The following RUNX1 variants were observed in gnomAD, a reference collection of about 807,000 sequenced individuals.
RUNX1 encodes RUNX family transcription factor 1, also known as runt-related transcription factor 1.
A neutral mutation model predicts 42.8 loss-of-function variants in RUNX1; 19 were observed. That is an observed-to-expected ratio of 0.44 (90% CI 0.31 to 0.65). The LOEUF (loss-of-function observed/expected upper bound fraction) is 0.65, where lower values mean the gene tolerates loss of function less well. RUNX1 is among the 30% of genes least tolerant of loss of function. RUNX1 has a pLI of 0.07. For synonymous variants in RUNX1, 271 were observed against 289.4 expected, an observed-to-expected ratio of 0.94 and a Z score of 0.64; for missense variants, 528 against 672.0, an observed-to-expected ratio of 0.79 and a Z score of 2.37.
chr21:34,799,084 C>A (rs533886735), intron 8 of RUNX1, among the ~76,000 whole-genome samples: 2 of 152,212 alleles, frequency 1.3e-5, no homozygotes, highest in South Asian at 4.1e-4. Flanking sequence ...GTCTAAGGAA[C>A]CTACTTCTCC....
chr21:34,792,021 C>T lies in RUNX1; in HGVS notation c.*114G>A. On this transcript the variant is annotated 3_prime_UTR_variant, in exon 9 of 9. Coordinates refer to ENST00000675419, the MANE Select transcript of RUNX1 (RefSeq NM_001754.5). The surrounding 1 kb of genome is among the most constrained non-coding windows in gnomAD (Gnocchi z 6.9). Reference sequence around the variant, plus strand: ...CCGTCGGGCGCCCTCGGCCCCAGGACGGTGGCCGGGCCCAGGGCCCGGGAT... The same window carrying T: ...CCGTCGGGCGCCCTCGGCCCCAGGATGGTGGCCGGGCCCAGGGCCCGGGAT... The T allele has an allele frequency of 1.6e-6, 1 of 639,350 alleles. No homozygotes were observed. Among genetic ancestry groups the T allele is most frequent in the Non-Finnish European group, 2.4e-6 (1 of 416,534 alleles). The allele number at this position is 639,350 out of a possible 1,614,324, so 39.6% of individuals were successfully genotyped here.
chr21:34,954,406 A>G (rs1287531373), intron 2 of RUNX1, among the ~76,000 whole-genome samples: 2 of 152,164 alleles, frequency 1.3e-5, no homozygotes, highest in East Asian at 1.9e-4. Flanking sequence ...TGCAGGGGTC[A>G]GGCTGGAGCA....
At chr21:35,047,561 ACTCTCTCT>A (rs55862184) in intron 2 of RUNX1, among the ~76,000 whole-genome samples, 475 of 46,690 alleles carry the variant, frequency 0.01, 1 homozygote, top group African/African-American at 0.03. Flanking sequence ...ACACACACAC[ACTCTCTCT>A]CTCTCTCTCT....
At chr21:35,038,316 A>G in intron 2 of RUNX1, 1 of 325,866 alleles carries the variant, frequency 3.1e-6, no homozygotes, top group Non-Finnish European at 6.1e-6. Flanking sequence ...CCTCCCTATC[A>G]AAGGCAACTC....
intron 2 of RUNX1, among the ~76,000 whole-genome samples, chr21:34,951,848 A>G (rs1332437409): frequency 3.9e-5 from 6 of 152,214 alleles, no homozygotes; most frequent in African/African-American, 1.4e-4. Flanking sequence ...AACTAGAAAT[A>G]CCATTTGACC....
intron 3 of RUNX1, chr21:34,887,631 G>C (rs1258458335): frequency 9.2e-7 from 1 of 1,081,642 alleles, no homozygotes; most frequent in Non-Finnish European, 1.1e-6. Context: ...ATGCAAAACT[G>C]GCTTCAGTCC....
At chr21:34,821,648 CAGA>C (rs1303829031) in intron 7 of RUNX1, 2 of 1,566,434 alleles carry the variant, frequency 1.3e-6, no homozygotes, top group Admixed American at 3.8e-5. Flanking sequence ...GAGGGATGGA[CAGA>C]AGAACTGACT....
chr21:34,998,782 C>G (rs372570046), intron 2 of RUNX1, among the ~76,000 whole-genome samples: 7 of 152,288 alleles, frequency 4.6e-5, no homozygotes, highest in African/African-American at 1.7e-4. Context: ...ACCTCGTGAT[C>G]CGCCCGCCTT....
chr21:35,038,467 G>T, intron 2 of RUNX1: 1 of 454,690 alleles, frequency 2.2e-6, no homozygotes, highest in Non-Finnish European at 4.4e-6. Context: ...GCAGAGACAT[G>T]ACAGCAGCAG....
chr21:34,886,950 G>A lies in RUNX1; in HGVS notation c.244C>T (p.Leu82=). The A allele has an allele frequency of 6.2e-7, 1 of 1,612,586 alleles. No homozygotes were observed. The highest frequency in any genetic ancestry group is 8.5e-7 in the Non-Finnish European group (1 of 1,179,654). Residue 82 remains leucine (L), a synonymous_variant, in exon 4 of 9, where the codon CTG becomes TTG. Coordinates refer to ENST00000675419, the MANE Select transcript of RUNX1 (RefSeq NM_001754.5). ...RSGDRSMVEV[L]ADHPGELVRT... ...ACCAGCTCGCCCGGGTGGTCGGCCA[G>A]CACCTCCACCATGCTGCGGTCGCCG...
intron 2 of RUNX1, 24 bp from the exon 3 acceptor site, chr21:34,892,987 ATAAAAG>A (rs1253150107): frequency 6.7e-7 from 1 of 1,503,182 alleles, no homozygotes; most frequent in Non-Finnish European, 9.3e-7. Context: ...AAGTAGGAAA[ATAAAAG>A]TAATGCAAGT....
At chr21:34,892,392 T>G (rs1432599808) in intron 3 of RUNX1, among the ~76,000 whole-genome samples, 1 of 152,206 alleles carries the variant, frequency 6.6e-6, no homozygotes. Context: ...AGCCCTTAGT[T>G]CTTCCATTAC....
At position 34,919,065 on chromosome 21, in the gene RUNX1, A is replaced by G. The variant is rs141929941; in HGVS notation, c.59-26102T>C. On this transcript the variant is annotated intron_variant, in intron 2 of 8. Transcript: ENST00000675419. ...AAAAAGGGCTTTCACTTTCGCATCA[A>G]TGCTATGAGGTAGGTATTGTTCCTA... is the stretch of plus-strand genomic sequence containing the variant. 1.6e-4 allele frequency among the ~76,000 whole-genome samples: 24 copies of G among 152,300 alleles called. No individual in the cohort carries two copies. In the East Asian group the frequency reaches 4.3e-3, roughly 27 times the overall value.
chr21:34,969,892 A>T (rs115780768), intron 2 of RUNX1, among the ~76,000 whole-genome samples: 2,562 of 152,292 alleles, frequency 0.017, 64 homozygotes, highest in African/African-American at 0.058. Context: ...GATCATCTTG[A>T]GGATTGTTTT....
intron 2 of RUNX1, among the ~76,000 whole-genome samples, chr21:34,951,655 T>C (rs1319606221): frequency 6.6e-6 from 1 of 152,062 alleles, no homozygotes; most frequent in African/African-American, 2.4e-5. Context: ...ATTAGAGAAA[T>C]GCAAATCAAA....
At chr21:34,977,346 T>A (rs1275321205) in intron 2 of RUNX1, among the ~76,000 whole-genome samples, 1 of 152,198 alleles carries the variant, frequency 6.6e-6, no homozygotes, top group Non-Finnish European at 1.5e-5. Flanking sequence ...GATCTTCCAT[T>A]TAGAGGAAAA....
rs548848172 is a variant in RUNX1, at chr21:34,847,001, G to T, written c.614-12400C>A. Among the ~76,000 whole-genome samples, 143 of 152,228 alleles carry T rather than the reference G, an allele frequency of 9.4e-4. 1 individual carries two copies. The highest frequency in any genetic ancestry group is 3.3e-3 in the African/African-American group (137 of 41,542). ...TTTCACCTCCCTGAAATCAAATCCA[G>T]AAATCTCAGGCGAGCAGCATATATA... is the stretch of plus-strand genomic sequence containing the variant. On this transcript the variant is annotated intron_variant, in intron 6 of 8. Transcript: ENST00000675419.
At chr21:34,927,178 A>G (rs1353620738) in intron 2 of RUNX1, among the ~76,000 whole-genome samples, 2 of 152,194 alleles carry the variant, frequency 1.3e-5, no homozygotes, top group Non-Finnish European at 2.9e-5. Context: ...TGAGGCCATT[A>G]AAGAGCTGGA....
At chr21:34,922,690 G>A (rs56185286) in intron 2 of RUNX1, among the ~76,000 whole-genome samples, 52,337 of 152,056 alleles carry the variant, frequency 0.34, 10,693 homozygotes, top group East Asian at 0.55. Context: ...CCCCCTGGTG[G>A]TGAGGCCTGG....
Sources: allele counts gnomAD v4.1 joint callset (sites outside exome capture counted in the v4.1 genomes callset), GRCh38; gene constraint gnomAD v4.1.1; non-coding constraint Gnocchi (gnomAD v3.1); transcripts MANE v1.5; gene names NCBI Gene and HGNC (gene_info 2026-07-23, HGNC 2026-07-21).